Variants in BMP6 observed in about 807,000 individuals in gnomAD.
BMP6 encodes the protein bone morphogenetic protein 6.
A neutral mutation model predicts 54.1 loss-of-function variants in BMP6; 17 were observed. That is an observed-to-expected ratio of 0.31 (90% CI 0.22 to 0.47). The LOEUF is 0.47. BMP6 is among the 20% of genes least tolerant of loss of function. The pLI, the probability that BMP6 is intolerant of heterozygous loss-of-function variation, is 1.00. For synonymous variants in BMP6, 328 were observed against 291.2 expected (o/e 1.13, Z -1.28); for missense variants, 720 against 690.4 (o/e 1.04, Z -0.48).
rs866459610 is a variant in BMP6 at position 7,845,170 on chromosome 6, A to G, written c.695A>G (p.Gln232Arg). 7 of 1,614,036 alleles carry G rather than the reference A, an allele frequency of 4.3e-6. No homozygotes were observed. The highest frequency in any genetic ancestry group is 1.7e-5 in the Admixed American group (1 of 60,010). ...TACGACAAGGAGTTCTCCCCTCGTC[A>G]GCGACACCACAAAGAGTTCAAGTTC... ...VEYDKEFSPR[Q>R]RHHKEFKFNL... Residue 232 changes from glutamine to arginine, a missense_variant, in exon 2 of 7, where the codon CAG becomes CGG. Transcript: ENST00000283147.
intron 1 of BMP6, among the ~76,000 whole-genome samples, chr6:7,779,685 A>T (rs140709290): frequency 0.044 from 6,647 of 152,220 alleles, 221 homozygotes; most frequent in Admixed American, 0.088. Flanking sequence ...CATTACTCTT[A>T]CATAGAACAT....
intron 1 of BMP6, among the ~76,000 whole-genome samples, chr6:7,816,539 A>G (rs867547558): frequency 6.6e-6 from 1 of 152,224 alleles, no homozygotes; most frequent in Non-Finnish European, 1.5e-5. Context: ...TGGCATCACC[A>G]GTAGGGGAGA....
chr6:7,757,159 A>G (rs754380612), intron 1 of BMP6, among the ~76,000 whole-genome samples: 2 of 152,238 alleles, frequency 1.3e-5, no homozygotes, highest in Non-Finnish European at 2.9e-5. Flanking sequence ...ACGTAAACAT[A>G]TAAGTATCCT....
rs1310651204 is a variant in BMP6, at chr6:7,881,479, A to G, written c.*1136A>G. 3 of 152,702 alleles carry G rather than the reference A, an allele frequency of 2.0e-5. No individual in the cohort carries two copies. The highest frequency in any genetic ancestry group is 1.9e-4 in the East Asian group (1 of 5,190). 9.5% of individuals were successfully genotyped at this position (152,702 alleles called of 1,614,324 possible). A position where few individuals can be genotyped will look rare whatever the true frequency, so the allele number is the denominator to read the frequency against. ...TAAACTATAATTTATTGTCTATTTTATATCTGTTTTGCTGTAACATTGAAG... is the reference window on the plus strand; with the variant it reads ...TAAACTATAATTTATTGTCTATTTTGTATCTGTTTTGCTGTAACATTGAAG... On this transcript the variant is annotated 3_prime_UTR_variant, in exon 7 of 7. Transcript: ENST00000283147.
At chr6:7,771,674 G>A (rs1757789933) in intron 1 of BMP6, among the ~76,000 whole-genome samples, 1 of 103,336 alleles carries the variant, frequency 9.7e-6, no homozygotes, top group Non-Finnish European at 2.3e-5. Context: ...ACTTAGGCAG[G>A]GCATGGAGGG....
At chr6:7,838,928 C>T (rs1400591996) in intron 1 of BMP6, among the ~76,000 whole-genome samples, 5 of 126,524 alleles carry the variant, frequency 4.0e-5, no homozygotes, top group Admixed American at 9.5e-5. Flanking sequence ...GGTGACAGAG[C>T]GAGACTCTGT....
rs186643126 is a variant in BMP6 at position 7,881,043 on chromosome 6, A to G, written c.*700A>G. The G allele has an allele frequency of 1.3e-5, 2 of 152,924 alleles. No individual in the cohort carries two copies. The highest frequency in any genetic ancestry group is 2.1e-4 in the South Asian group (1 of 4,836). 9.5% of individuals were successfully genotyped at this position (152,924 alleles called of 1,614,324 possible). On this transcript the variant is annotated 3_prime_UTR_variant, in exon 7 of 7. Transcript: ENST00000283147. Reference sequence around the variant, plus strand: ...AGACTGATTACACTGAGGTGAGGCTACAAGGGGTGTGTAACCGTGTAACAC... The same window carrying G: ...AGACTGATTACACTGAGGTGAGGCTGCAAGGGGTGTGTAACCGTGTAACAC...
At chr6:7,821,758 CT>C (rs1468887046) in intron 1 of BMP6, among the ~76,000 whole-genome samples, 2 of 152,290 alleles carry the variant, frequency 1.3e-5, no homozygotes, top group Non-Finnish European at 2.9e-5. Flanking sequence ...ACGTATGCCA[CT>C]TTGCAAACCA....
chr6:7,820,579 G>T (rs1250550405), intron 1 of BMP6, among the ~76,000 whole-genome samples: 1 of 152,164 alleles, frequency 6.6e-6, no homozygotes, highest in Admixed American at 6.5e-5. Context: ...CTGTCTGCCT[G>T]CCTGGAGGAA....
Position 7,880,412 on chromosome 6 carries a change from AC to A in BMP6, c.*70del. 7 of 1,589,812 alleles carry A rather than the reference AC, an allele frequency of 4.4e-6. No homozygotes were observed. The highest frequency in any genetic ancestry group is 1.3e-5 in the African/African-American group (1 of 74,390). On this transcript the variant is annotated 3_prime_UTR_variant, in exon 7 of 7. Transcript: ENST00000283147. ...TAGATTACATCTGCCTTAAAAAAAC[AC>A]GGAAGCACAGTTGGAGGTGGGACGA...
chr6:7,736,989 A>G (rs1761965280), intron 1 of BMP6, among the ~76,000 whole-genome samples: 1 of 152,294 alleles, frequency 6.6e-6, no homozygotes, highest in Non-Finnish European at 1.5e-5. Context: ...GGAGTTCAAG[A>G]CCGGCCTGGC....
chr6:7,789,027 G>C (rs1326251944), intron 1 of BMP6, among the ~76,000 whole-genome samples: 1 of 152,052 alleles, frequency 6.6e-6, no homozygotes, highest in Non-Finnish European at 1.5e-5. Flanking sequence ...TGTGTTTAAG[G>C]TATACAACTT....
chr6:7,730,030 A>T (rs771849238), intron 1 of BMP6, among the ~76,000 whole-genome samples: 9 of 152,196 alleles, frequency 5.9e-5, no homozygotes, highest in Non-Finnish European at 1.2e-4. Context: ...TCAAGATCTC[A>T]GGTGATGTCA....
intron 1 of BMP6, among the ~76,000 whole-genome samples, chr6:7,789,941 A>G (rs1758070522): frequency 6.6e-6 from 1 of 152,066 alleles, no homozygotes; most frequent in African/African-American, 2.4e-5. Flanking sequence ...CATTTTGATG[A>G]AATGACCAAC....
At chr6:7,810,522 G>C (rs1027970335) in intron 1 of BMP6, among the ~76,000 whole-genome samples, 12 of 152,124 alleles carry the variant, frequency 7.9e-5, no homozygotes, top group Admixed American at 6.5e-4. Flanking sequence ...TACTGACTTG[G>C]TTCCAGACAT....
chr6:7,778,038 C>G (rs1056380404), intron 1 of BMP6, among the ~76,000 whole-genome samples: 3 of 152,118 alleles, frequency 2.0e-5, no homozygotes, highest in Admixed American at 6.5e-5. Context: ...TACATACTCC[C>G]AGGCAGAAGT....
intron 1 of BMP6, among the ~76,000 whole-genome samples, chr6:7,809,092 G>A (rs149023685): frequency 6.8e-6 from 1 of 147,558 alleles, no homozygotes; most frequent in Non-Finnish European, 1.5e-5. Flanking sequence ...CTTCCAATGG[G>A]CGTATAGTAC....
intron 1 of BMP6, among the ~76,000 whole-genome samples, chr6:7,787,308 T>G (rs1758034441): frequency 6.6e-6 from 1 of 152,156 alleles, no homozygotes; most frequent in Admixed American, 6.5e-5. Flanking sequence ...TGAGTCAGTG[T>G]CTGAAAAGGA....
At chr6:7,775,243 A>G (rs1369346761) in intron 1 of BMP6, among the ~76,000 whole-genome samples, 2 of 152,216 alleles carry the variant, frequency 1.3e-5, no homozygotes, top group Admixed American at 6.5e-5. Flanking sequence ...ATAAGGCACA[A>G]GGTGTTAACA....
Sources: gnomAD v4.1 joint callset for allele counts (sites outside exome capture counted in the v4.1 genomes callset) on GRCh38, gnomAD v4.1.1 for gene constraint, MANE v1.5 for transcripts, NCBI Gene and HGNC (gene_info 2026-07-23, HGNC 2026-07-21) for gene names.